Variants in MALRD1 observed in about 807,000 individuals in gnomAD.
MALRD1 encodes MAM and LDL receptor class A domain containing 1.
In MALRD1, 247 loss-of-function variants were observed where a neutral mutation model predicts 242.1. The ratio of observed to expected loss-of-function variants is 1.02; its 90% CI spans 0.92 to 1.13. The LOEUF is 1.13. Ranked by LOEUF, MALRD1 falls within the 50% of genes most tolerant of loss-of-function variation. The pLI is 0.00. For synonymous variants in MALRD1, 995 were observed against 866.6 expected, an observed-to-expected ratio of 1.15 and a Z score of -2.60; for missense variants, 2,989 against 2,533.1, an observed-to-expected ratio of 1.18 and a Z score of -3.86.
chr10:19,599,032 C>T (rs769437881), intron 34 of MALRD1, among the ~76,000 whole-genome samples: 6 of 152,130 alleles, frequency 3.9e-5, no homozygotes, highest in Admixed American at 1.3e-4. Flanking sequence ...GAACTTTTTA[C>T]GGAGTAGGAG....
intron 28 of MALRD1, among the ~76,000 whole-genome samples, chr10:19,391,085 C>T (rs1564299167): frequency 1.3e-5 from 2 of 152,028 alleles, no homozygotes; most frequent in South Asian, 2.1e-4. Flanking sequence ...CAGTAACAAA[C>T]TTTTTATTTC....
At chr10:19,112,934 T>C (rs910357888) in intron 5 of MALRD1, among the ~76,000 whole-genome samples, 2 of 152,176 alleles carry the variant, frequency 1.3e-5, no homozygotes, top group Admixed American at 6.5e-5. Context: ...TTAAGAGTAA[T>C]TTTTACATAT....
Position 19,491,514 on chromosome 10 carries a change from T to A in MALRD1, c.5030-3T>A. 1 of 1,549,410 alleles carries A rather than the reference T, an allele frequency of 6.5e-7. No homozygotes were observed. Among genetic ancestry groups the A allele is most frequent in the East Asian group, 2.4e-5 (1 of 40,882 alleles). ...CTGCTTTTGTTTTTTTGTTTTTCCC[T>A]AGTGGGAGAGATCTCTGAGCTTTGT... On this transcript the variant is annotated splice_region_variant and splice_polypyrimidine_tract_variant and intron_variant, in intron 29 of 39. Coordinates refer to ENST00000454679, the MANE Select transcript of MALRD1 (RefSeq NM_001142308.3).
chr10:19,613,256 T>G (rs1838985620), intron 35 of MALRD1, among the ~76,000 whole-genome samples: 1 of 152,020 alleles, frequency 6.6e-6, no homozygotes, highest in South Asian at 2.1e-4. Context: ...TTATCTCTAC[T>G]TCATATTAAA....
chr10:19,595,053 T>C (rs1838009589), intron 33 of MALRD1, 141 bp from the exon 34 acceptor site: 1 of 815,818 alleles, frequency 1.2e-6, no homozygotes. Flanking sequence ...GTAGGCATCA[T>C]ATTAATCCTA....
intron 21 of MALRD1, among the ~76,000 whole-genome samples, chr10:19,316,659 G>A (rs1842719101): frequency 6.6e-6 from 1 of 151,678 alleles, no homozygotes; most frequent in Non-Finnish European, 1.5e-5. Context: ...CAGATACCAG[G>A]GTGATGCTGT....
At chr10:19,520,612 G>A (rs1402759424) in intron 31 of MALRD1, among the ~76,000 whole-genome samples, 2 of 152,192 alleles carry the variant, frequency 1.3e-5, no homozygotes, top group African/African-American at 2.4e-5. Flanking sequence ...ATAAATGATA[G>A]CCATTGTTTG....
chr10:19,262,655 CAAAA>C (rs34247984), intron 19 of MALRD1, among the ~76,000 whole-genome samples: 2 of 97,520 alleles, frequency 2.1e-5, no homozygotes. Flanking sequence ...GAGTCTGTCT[CAAAA>C]AAAAAAAAAA....
At chr10:19,496,899 T>G (rs1229322202) in intron 30 of MALRD1, among the ~76,000 whole-genome samples, 1 of 152,118 alleles carries the variant, frequency 6.6e-6, no homozygotes, top group East Asian at 1.9e-4. Flanking sequence ...ATAGCAGTGT[T>G]TTCATAAGGA....
chr10:19,379,770 G>A (rs1845758080), intron 26 of MALRD1, among the ~76,000 whole-genome samples: 1 of 152,010 alleles, frequency 6.6e-6, no homozygotes, highest in South Asian at 2.1e-4. Flanking sequence ...TTGGTGTAGT[G>A]TTATGTAAAT....
chr10:19,192,035 TAA>T (rs976418338), intron 14 of MALRD1, among the ~76,000 whole-genome samples: 1 of 144,010 alleles, frequency 6.9e-6, no homozygotes, highest in Non-Finnish European at 1.5e-5. Flanking sequence ...ATAAATAAAA[TAA>T]AAAAAAAACT....
At position 19,558,421 on chromosome 10, in the gene MALRD1, G is replaced by C. The variant is rs544279272; in HGVS notation, c.5479-9081G>C. On this transcript the variant is annotated intron_variant, in intron 32 of 39. Coordinates refer to ENST00000454679, the MANE Select transcript of MALRD1 (RefSeq NM_001142308.3). ...AATATGAAGTTCCCTTCTATTCCTA[G>C]TTCCCTAACAGTTGTCATCATGAAT... Among the ~76,000 whole-genome samples the C allele has an allele frequency of 8.5e-5, 13 of 152,106 alleles. No individual in the cohort carries two copies. The South Asian group carries it at 2.5e-3, about 29-fold the overall frequency.
At chr10:19,395,447 C>T (rs897655188) in intron 28 of MALRD1, among the ~76,000 whole-genome samples, 1 of 152,090 alleles carries the variant, frequency 6.6e-6, no homozygotes, top group African/African-American at 2.4e-5. Context: ...CCAGGTCATA[C>T]GTAGATAAGA....
At chr10:19,612,473 A>G (rs1838944728) in intron 35 of MALRD1, among the ~76,000 whole-genome samples, 1 of 151,962 alleles carries the variant, frequency 6.6e-6, no homozygotes, top group Non-Finnish European at 1.5e-5. Flanking sequence ...GGTATATTTC[A>G]GTTTTGATCC....
chr10:19,095,801 C>T (rs1267704712), intron 4 of MALRD1, among the ~76,000 whole-genome samples: 3 of 152,118 alleles, frequency 2.0e-5, no homozygotes, highest in Non-Finnish European at 4.4e-5. Flanking sequence ...TTCTCAATTC[C>T]CTGTGTCTGC....
At chr10:19,512,024 A>G (rs577228824) in intron 31 of MALRD1, among the ~76,000 whole-genome samples, 1 of 152,066 alleles carries the variant, frequency 6.6e-6, no homozygotes, top group East Asian at 1.9e-4. Flanking sequence ...TCTTGAGTTG[A>G]GAGATAGGGA....
intron 23 of MALRD1, among the ~76,000 whole-genome samples, chr10:19,328,246 C>T (rs1019814038): frequency 3.3e-5 from 5 of 152,066 alleles, no homozygotes; most frequent in Admixed American, 6.6e-5. Context: ...TAAGCATGTG[C>T]TGAAATGTTT....
intron 36 of MALRD1, among the ~76,000 whole-genome samples, chr10:19,623,974 A>T (rs181486694): frequency 6.6e-6 from 1 of 152,158 alleles, no homozygotes; most frequent in Non-Finnish European, 1.5e-5. Flanking sequence ...AGCAAATTAA[A>T]ACAATGTTAA....
chr10:19,299,776 A>T (rs1841865091), intron 21 of MALRD1, among the ~76,000 whole-genome samples: 1 of 151,944 alleles, frequency 6.6e-6, no homozygotes, highest in Admixed American at 6.6e-5. Flanking sequence ...TGAGAGGACA[A>T]AAGCTGGAAG....
Sources: allele counts gnomAD v4.1 joint callset (sites outside exome capture counted in the v4.1 genomes callset), GRCh38; gene constraint gnomAD v4.1.1; transcripts MANE v1.5; gene names NCBI Gene and HGNC (gene_info 2026-07-23, HGNC 2026-07-21).